The following R3HDM1 variants were observed in gnomAD, a reference collection of about 807,000 sequenced individuals.
R3HDM1 encodes the protein R3H domain containing 1, also known as R3H domain-containing protein 1.
A neutral mutation model predicts 141.1 loss-of-function variants in R3HDM1; 46 were observed. The ratio of observed to expected loss-of-function variants is 0.33; its 90% CI spans 0.26 to 0.42. The LOEUF is 0.42. Among genes scored for constraint, R3HDM1 ranks in the 10% least tolerant of loss-of-function variants. The pLI, the probability that R3HDM1 is intolerant of heterozygous loss-of-function variation, is 1.00. For synonymous variants in R3HDM1, 435 were observed against 472.9 expected (o/e 0.92, Z 1.04); for missense variants, 1,184 against 1,368.3 (o/e 0.87, Z 2.12).
intron 21 of R3HDM1, among the ~76,000 whole-genome samples, chr2:135,696,471 A>G (rs1053590092): frequency 6.6e-6 from 1 of 152,174 alleles, no homozygotes; most frequent in Non-Finnish European, 1.5e-5. Context: ...ATTATACCTC[A>G]GTAAAACTAT....
At chr2:135,586,944 C>T (rs1708075968) in intron 1 of R3HDM1, 1 of 985,010 alleles carries the variant, frequency 1.0e-6, no homozygotes, top group African/African-American at 1.7e-5. Context: ...GTGAATGAGA[C>T]TTTTGGAAAT....
chr2:135,558,688 C>T (rs1391497225), intron 1 of R3HDM1, among the ~76,000 whole-genome samples: 2 of 152,106 alleles, frequency 1.3e-5, no homozygotes, highest in African/African-American at 4.8e-5. Flanking sequence ...AGCAGTTGAA[C>T]AGTTTATTAA....
At chr2:135,669,485 A>T (rs1377337546) in intron 19 of R3HDM1, 1 of 984,020 alleles carries the variant, frequency 1.0e-6, no homozygotes, top group Non-Finnish European at 1.2e-6. Context: ...CTTGAGACTT[A>T]GGTATGTTAA....
intron 18 of R3HDM1, among the ~76,000 whole-genome samples, chr2:135,655,057 TG>T (rs1182717415): frequency 2.6e-5 from 4 of 152,216 alleles, no homozygotes; most frequent in African/African-American, 4.8e-5. Context: ...TTTTTAATTT[TG>T]GTAAAGTTCA....
chr2:135,650,725 A>G (rs2065062523), intron 17 of R3HDM1: 2 of 980,782 alleles, frequency 2.0e-6, no homozygotes, highest in South Asian at 4.7e-5. Flanking sequence ...GAAAAACCAT[A>G]TATTTTCAAT....
intron 24 of R3HDM1, chr2:135,721,649 G>C: frequency 3.7e-6 from 1 of 273,654 alleles, no homozygotes; most frequent in Non-Finnish European, 7.2e-6. Flanking sequence ...ATATAGTGGC[G>C]CCATCTCAGC....
At chr2:135,683,009 T>TAA (rs926196855) in intron 21 of R3HDM1, among the ~76,000 whole-genome samples, 1 of 151,070 alleles carries the variant, frequency 6.6e-6, no homozygotes, top group Admixed American at 6.6e-5. Flanking sequence ...AAAAATAAAA[T>TAA]AAAAAAAGTC....
intron 21 of R3HDM1, among the ~76,000 whole-genome samples, chr2:135,700,541 C>T (rs937083627): frequency 6.6e-6 from 1 of 152,132 alleles, no homozygotes; most frequent in Non-Finnish European, 1.5e-5. Context: ...TTTAAAAAGG[C>T]AGAAAACCAA....
chr2:135,700,957 G>GT (rs2074109745), intron 21 of R3HDM1, among the ~76,000 whole-genome samples: 1 of 152,048 alleles, frequency 6.6e-6, no homozygotes, highest in African/African-American at 2.4e-5. Flanking sequence ...TATGTACTAT[G>GT]TTTTTTCCTA....
At chr2:135,658,828 AT>A (rs1349379935) in intron 18 of R3HDM1, among the ~76,000 whole-genome samples, 1 of 151,368 alleles carries the variant, frequency 6.6e-6, no homozygotes, top group Non-Finnish European at 1.5e-5. Flanking sequence ...TTTCTTTTTA[AT>A]TTTTTTTAAT....
chr2:135,584,257 G>A (rs1430180307), intron 1 of R3HDM1: 37 of 557,762 alleles, frequency 6.6e-5, no homozygotes, highest in Non-Finnish European at 8.0e-5. Flanking sequence ...GAACCTGGGA[G>A]GCAGAGGTTG....
intron 1 of R3HDM1, among the ~76,000 whole-genome samples, chr2:135,540,725 T>A (rs1174707850): frequency 6.6e-6 from 1 of 152,186 alleles, no homozygotes; most frequent in African/African-American, 2.4e-5. Flanking sequence ...CAAATGTTGT[T>A]AATGGCATCT....
chr2:135,654,863 AGTGTGTGTGTGTGT>A (rs60593262), intron 18 of R3HDM1, among the ~76,000 whole-genome samples: 9 of 136,712 alleles, frequency 6.6e-5, no homozygotes, highest in South Asian at 2.3e-4. Context: ...GTGTATATAA[AGTGTGTGTGTGTGT>A]GTGTGTGTGT....
chr2:135,592,959 G>A (rs780444868), intron 1 of R3HDM1, among the ~76,000 whole-genome samples: 17 of 150,788 alleles, frequency 1.1e-4, no homozygotes, highest in Non-Finnish European at 2.1e-4. Context: ...TCACTTTTTC[G>A]CCCAGGCTGG....
At chr2:135,599,956 C>T (rs936807825) in intron 1 of R3HDM1, among the ~76,000 whole-genome samples, 1 of 151,596 alleles carries the variant, frequency 6.6e-6, no homozygotes, top group African/African-American at 2.4e-5. Context: ...ATAGCTTGAG[C>T]CTCAAAGGTC....
intron 1 of R3HDM1, among the ~76,000 whole-genome samples, chr2:135,563,353 T>A (rs1027372839): frequency 6.6e-6 from 1 of 152,250 alleles, no homozygotes; most frequent in African/African-American, 2.4e-5. Flanking sequence ...TTGCTGAGAA[T>A]GAGAACTGTG....
chr2:135,571,390 A>G lies in R3HDM1; in HGVS notation c.-249-31110A>G, dbSNP rs528658583. Reference sequence around the variant, plus strand: ...GTCCAGGCTGGAGTGCAGTGGCACAATCTCGGCTCATTGCAACCTCCACCT... The same window carrying G: ...GTCCAGGCTGGAGTGCAGTGGCACAGTCTCGGCTCATTGCAACCTCCACCT... On this transcript the variant is annotated intron_variant, in intron 1 of 26. Coordinates refer to ENST00000683871, the MANE Select transcript of R3HDM1 (RefSeq NM_001378107.1). Among the ~76,000 whole-genome samples the G allele has an allele frequency of 2.0e-5, 3 of 152,130 alleles. No individual in the cohort carries two copies. The South Asian group carries it at 6.2e-4, about 32-fold the overall frequency.
chr2:135,695,169 C>A (rs759385108), intron 21 of R3HDM1, among the ~76,000 whole-genome samples: 1 of 152,122 alleles, frequency 6.6e-6, no homozygotes, highest in Non-Finnish European at 1.5e-5. Flanking sequence ...TGGTCCAGAA[C>A]AAAGCTCAAA....
chr2:135,597,043 G>C, intron 1 of R3HDM1: 4 of 984,368 alleles, frequency 4.1e-6, no homozygotes, highest in Non-Finnish European at 3.6e-6. Context: ...TCAGAATGCA[G>C]CACATTCGTG....
Sources: allele counts gnomAD v4.1 joint callset (sites outside exome capture counted in the v4.1 genomes callset), GRCh38; gene constraint gnomAD v4.1.1; transcripts MANE v1.5; gene names NCBI Gene and HGNC (gene_info 2026-07-23, HGNC 2026-07-21).